Variants in ADGRL2 observed in about 807,000 individuals in gnomAD.
ADGRL2 encodes the protein adhesion G protein-coupled receptor L2.
Under a neutral mutation model 157.4 loss-of-function variants are expected in ADGRL2, and 44 were observed. That is an observed-to-expected ratio of 0.28 (90% CI 0.22 to 0.36). The LOEUF (loss-of-function observed/expected upper bound fraction) is 0.36, where lower values mean the gene tolerates loss of function less well. ADGRL2 is among the 10% of genes least tolerant of loss of function. ADGRL2 has a pLI of 1.00. For missense variants in ADGRL2, 1,510 were observed against 1,768.9 expected, an observed-to-expected ratio of 0.85 and a Z score of 2.63; for synonymous variants, 585 against 624.7, an observed-to-expected ratio of 0.94 and a Z score of 0.95.
intron 1 of ADGRL2, among the ~76,000 whole-genome samples, chr1:81,418,481 G>A (rs1274707313): frequency 1.3e-5 from 2 of 152,296 alleles, no homozygotes; most frequent in Non-Finnish European, 1.5e-5. Context: ...GCCGAGTGTG[G>A]TGGCTCACGC....
At chr1:81,456,551 A>C (rs983240947) in intron 2 of ADGRL2, among the ~76,000 whole-genome samples, 1 of 151,978 alleles carries the variant, frequency 6.6e-6, no homozygotes, top group Non-Finnish European at 1.5e-5. Context: ...CTTTTTATTC[A>C]AGTCATTATT....
intron 1 of ADGRL2, among the ~76,000 whole-genome samples, chr1:81,336,330 C>T (rs956458858): frequency 6.6e-6 from 1 of 152,136 alleles, no homozygotes; most frequent in African/African-American, 2.4e-5. Context: ...AAAGGGAATG[C>T]TTCCACAGTA....
At chr1:81,641,524 T>C (rs1189943470) in intron 3 of ADGRL2, among the ~76,000 whole-genome samples, 2 of 152,070 alleles carry the variant, frequency 1.3e-5, no homozygotes, top group African/African-American at 4.8e-5. Context: ...AACAGAAAAA[T>C]AGCTGGAAAA....
Position 81,906,999 on chromosome 1 carries a change from T to C in ADGRL2, c.74-18T>C, listed in dbSNP as rs1262307616. ...ATAAATGAGTTACAGTTTAATTTTC[T>C]TTCTTTTTTATTTTAAGGTTTCAGC... is the stretch of plus-strand genomic sequence containing the variant. On this transcript the variant is annotated intron_variant, in intron 2 of 23. Coordinates refer to ENST00000686636, the MANE Select transcript of ADGRL2 (RefSeq NM_001366006.2). 3.1e-6 allele frequency: 5 copies of C among 1,594,472 alleles called. No individual in the cohort carries two copies. Among genetic ancestry groups the C allele is most frequent in the Middle Eastern group, 1.7e-4 (1 of 6,026 alleles).
At chr1:81,762,615 T>C (rs2085922508) in intron 2 of ADGRL2, among the ~76,000 whole-genome samples, 1 of 151,898 alleles carries the variant, frequency 6.6e-6, no homozygotes, top group Non-Finnish European at 1.5e-5. Context: ...AATTTCTCAT[T>C]GTAGAAAAAA....
intron 3 of ADGRL2, among the ~76,000 whole-genome samples, chr1:81,630,697 G>T (rs1179764899): frequency 1.3e-5 from 2 of 152,016 alleles, no homozygotes; most frequent in African/African-American, 4.8e-5. Context: ...GCAGCCTAAA[G>T]GAATTTTTAA....
At chr1:81,809,663 A>C (rs996141798) in intron 1 of ADGRL2, among the ~76,000 whole-genome samples, 1 of 151,974 alleles carries the variant, frequency 6.6e-6, no homozygotes, top group Non-Finnish European at 1.5e-5. Context: ...GCTATTTTCA[A>C]TTGTTAGGTA....
chr1:81,689,167 C>T (rs936980081), intron 3 of ADGRL2, among the ~76,000 whole-genome samples: 1 of 152,180 alleles, frequency 6.6e-6, no homozygotes, highest in African/African-American at 2.4e-5. Context: ...TAAAATGTAG[C>T]ATTTGTCAGC....
chr1:81,571,435 G>A (rs148410944), intron 2 of ADGRL2, among the ~76,000 whole-genome samples: 4,155 of 147,596 alleles, frequency 0.028, 202 homozygotes, highest in East Asian at 0.27. Flanking sequence ...GTGTGTGTGT[G>A]TATATATATA....
intron 1 of ADGRL2, among the ~76,000 whole-genome samples, chr1:81,829,914 A>G (rs114422866): frequency 7.9e-5 from 12 of 152,288 alleles, no homozygotes; most frequent in African/African-American, 2.4e-4. Flanking sequence ...CCACGATTCT[A>G]TAGTGTGCAC....
chr1:81,774,150 T>C (rs1433101092), intron 2 of ADGRL2, among the ~76,000 whole-genome samples: 2 of 139,700 alleles, frequency 1.4e-5, no homozygotes, highest in Non-Finnish European at 3.0e-5. Flanking sequence ...CCCTAGCAAA[T>C]GACTACATTA....
At chr1:81,640,401 G>A (rs116767498) in intron 3 of ADGRL2, among the ~76,000 whole-genome samples, 19,221 of 151,980 alleles carry the variant, frequency 0.13, 1,671 homozygotes, top group Non-Finnish European at 0.18. Context: ...TTGAGAGGCC[G>A]AGGAAGGTGG....
At chr1:81,704,015 C>A (rs149986653) in intron 1 of ADGRL2, among the ~76,000 whole-genome samples, 3 of 152,188 alleles carry the variant, frequency 2.0e-5, no homozygotes, top group Non-Finnish European at 4.4e-5. Flanking sequence ...ACCCCTTCCC[C>A]CTGCTCATCT....
At chr1:81,638,957 T>C (rs1310127514) in intron 3 of ADGRL2, among the ~76,000 whole-genome samples, 3 of 152,168 alleles carry the variant, frequency 2.0e-5, no homozygotes, top group Non-Finnish European at 2.9e-5. Flanking sequence ...TGAGCCGTGA[T>C]CACCCACTGC....
At chr1:81,352,526 G>A (rs1410088) in intron 1 of ADGRL2, among the ~76,000 whole-genome samples, 114,694 of 152,084 alleles carry the variant, frequency 0.75, 44,013 homozygotes, top group African/African-American at 0.84. Context: ...ACTAGTTTAG[G>A]TAAGCAAGAT....
At chr1:81,859,341 T>A (rs1427109618) in intron 2 of ADGRL2, among the ~76,000 whole-genome samples, 1 of 152,126 alleles carries the variant, frequency 6.6e-6, no homozygotes, top group African/African-American at 2.4e-5. Context: ...ATTTGAATAT[T>A]GTAGTTTGTT....
At chr1:81,418,733 G>C (rs765161566) in intron 1 of ADGRL2, among the ~76,000 whole-genome samples, 3 of 152,176 alleles carry the variant, frequency 2.0e-5, no homozygotes, top group Non-Finnish European at 2.9e-5. Context: ...CAGCCTGGAC[G>C]ACAGAGTGAG....
chr1:81,644,605 G>C (rs947397752), intron 3 of ADGRL2, among the ~76,000 whole-genome samples: 3 of 152,136 alleles, frequency 2.0e-5, no homozygotes, highest in African/African-American at 7.2e-5. Flanking sequence ...TGGCAAATAA[G>C]CATATGAAAG....
chr1:81,800,574 C>T (rs892729623), upstream of ADGRL2: 3 of 152,152 alleles, frequency 2.0e-5, no homozygotes, highest in Non-Finnish European at 4.4e-5. Context: ...AGCTCCTGGG[C>T]CTAGAGGGGA....
Sources: gnomAD v4.1 joint callset for allele counts (sites outside exome capture counted in the v4.1 genomes callset) on GRCh38, gnomAD v4.1.1 for gene constraint, MANE v1.5 for transcripts, NCBI Gene and HGNC (gene_info 2026-07-23, HGNC 2026-07-21) for gene names.